The following THSD7B variants were observed in gnomAD, a reference collection of about 807,000 sequenced individuals.
THSD7B encodes the protein thrombospondin type 1 domain containing 7B.
In THSD7B, 138 loss-of-function variants were observed where a neutral mutation model predicts 213.6. That is an observed-to-expected ratio of 0.65 (90% CI 0.56 to 0.74). THSD7B has a LOEUF of 0.74. Ranked by LOEUF, THSD7B falls within the 30% of genes least tolerant of loss-of-function variation. THSD7B has a pLI of 0.00. For synonymous variants in THSD7B, 742 were observed against 687.0 expected (o/e 1.08, Z -1.25); for missense variants, 1,931 against 1,991.5 (o/e 0.97, Z 0.58).
rs1406989509 is a variant in THSD7B at position 137,231,271 on chromosome 2, T to C, written c.1915+36T>C. 1.9e-6 allele frequency: 3 copies of C among 1,544,462 alleles called. No individual in the cohort carries two copies. In the Admixed American group the frequency reaches 5.9e-5, roughly 30 times the overall value. On this transcript the variant is annotated intron_variant, in intron 8 of 27. Coordinates refer to ENST00000409968, the MANE Select transcript of THSD7B (RefSeq NM_001316349.2). ...GAAAAGGTTTTCACTTTGGATTCAT[T>C]AGCCCAATTATTATCATTTTTCCTC...
At chr2:137,402,587 T>C (rs1686394600) in intron 12 of THSD7B, among the ~76,000 whole-genome samples, 1 of 151,710 alleles carries the variant, frequency 6.6e-6, no homozygotes, top group Admixed American at 6.6e-5. Flanking sequence ...GAGGTCGAGG[T>C]GGGCAGATCA....
At chr2:137,340,335 G>C (rs1335003923) in intron 12 of THSD7B, among the ~76,000 whole-genome samples, 1 of 151,838 alleles carries the variant, frequency 6.6e-6, no homozygotes, top group Admixed American at 6.6e-5. Flanking sequence ...ATTATAAATT[G>C]ATAGTTTATA....
intron 2 of THSD7B, among the ~76,000 whole-genome samples, chr2:136,883,913 C>A (rs760108655): frequency 6.6e-6 from 1 of 152,156 alleles, no homozygotes; most frequent in East Asian, 1.9e-4. Context: ...ACAGTGCCAT[C>A]AAAAAGGTAA....
intron 3 of THSD7B, among the ~76,000 whole-genome samples, chr2:137,078,727 T>C (rs1357236396): frequency 3.9e-5 from 6 of 152,180 alleles, no homozygotes; most frequent in East Asian, 1.9e-4. Context: ...GCCTGACATA[T>C]GTGTTTAGGA....
At chr2:137,519,924 A>G (rs943455512) in intron 15 of THSD7B, among the ~76,000 whole-genome samples, 4 of 152,214 alleles carry the variant, frequency 2.6e-5, no homozygotes, top group African/African-American at 9.7e-5. Flanking sequence ...GCAGCAAGAG[A>G]ATATAAAGTT....
At chr2:137,282,062 C>T (rs1243106585) in intron 12 of THSD7B, among the ~76,000 whole-genome samples, 1 of 151,302 alleles carries the variant, frequency 6.6e-6, no homozygotes, top group East Asian at 2.0e-4. Context: ...CTCTCCAGCA[C>T]CTGTTGTTTC....
At chr2:137,451,737 C>A (rs1327864367) in intron 15 of THSD7B, among the ~76,000 whole-genome samples, 1 of 152,032 alleles carries the variant, frequency 6.6e-6, no homozygotes, top group Non-Finnish European at 1.5e-5. Flanking sequence ...CAAATTTCTC[C>A]CATGATTGTG....
In THSD7B at chr2:137,405,758, C is replaced by T. The variant is rs766982902; in HGVS notation, c.2646C>T (p.Pro882=). 2 of 1,613,550 alleles carry T rather than the reference C, an allele frequency of 1.2e-6. No homozygotes were observed. Among genetic ancestry groups the T allele is most frequent in the South Asian group, 1.1e-5 (1 of 91,046 alleles). ...TCACTGCTTGGTCCAAGTTTACGCCCTGCTCCACGAACTGTGAAGCCACAA... is the reference window on the plus strand; with the variant it reads ...TCACTGCTTGGTCCAAGTTTACGCCTTGCTCCACGAACTGTGAAGCCACAA... ...CTFTAWSKFT[P]CSTNCEATKS... is the part of the protein sequence containing the mutation. Residue 882 remains proline (P), a synonymous_variant, in exon 13 of 28, where the codon CCC becomes CCT. Transcript: ENST00000409968.
chr2:137,531,190 C>T (rs1680390661), intron 15 of THSD7B, among the ~76,000 whole-genome samples: 2 of 152,082 alleles, frequency 1.3e-5, no homozygotes, highest in South Asian at 4.1e-4. Context: ...ACACACGCTG[C>T]TTCCTGTGAA....
At position 137,616,245 on chromosome 2, in the gene THSD7B, G is replaced by A; in HGVS notation, c.3494G>A (p.Cys1165Tyr). The change falls in exon 18 of 28, where the codon TGT (cysteine) becomes TAT (tyrosine). Residue 1165 changes from cysteine (C) to tyrosine (Y), a missense_variant. Transcript: ENST00000409968. ...LLRPSLNSRT[C>Y]AEDSQVQPCL... ...AGACCATCACTGAACTCAAGGACTT[G>A]TGCTGAAGACTCACAGGTGCAGCCT... The A allele has an allele frequency of 6.2e-7, 1 of 1,613,818 alleles. No homozygotes were observed. The highest frequency in any genetic ancestry group is 8.5e-7 in the Non-Finnish European group (1 of 1,179,786).
Position 137,298,898 on chromosome 2 carries a change from C to T in THSD7B, c.2500+22872C>T, listed in dbSNP as rs539121462. Among the ~76,000 whole-genome samples the T allele has an allele frequency of 2.0e-5, 3 of 152,326 alleles. No homozygotes were observed. In the South Asian group the frequency reaches 6.3e-4, roughly 32 times the overall value. ...CCCTCATGGAGAACCTCTGCTAGAG[C>T]AGTGCAGAATGGAACTGTGGGGTTG... On this transcript the variant is annotated intron_variant, in intron 12 of 27. Transcript: ENST00000409968.
At chr2:137,319,994 A>G (rs1024371011) in intron 12 of THSD7B, among the ~76,000 whole-genome samples, 1 of 152,194 alleles carries the variant, frequency 6.6e-6, no homozygotes, top group African/African-American at 2.4e-5. Context: ...AGATGGAGAC[A>G]TTCACTGAGG....
At chr2:137,242,661 A>AT in intron 10 of THSD7B, 89 bp downstream of exon 10, 1 of 852,532 alleles carries the variant, frequency 1.2e-6, no homozygotes, top group South Asian at 1.9e-5. Flanking sequence ...GAATGTGAGC[A>AT]CCTTTTTTTT....
chr2:137,580,531 CA>C lies in THSD7B; in HGVS notation c.3423+7976del, dbSNP rs1266684694. On this transcript the variant is annotated intron_variant, in intron 17 of 27. Coordinates refer to ENST00000409968, the MANE Select transcript of THSD7B (RefSeq NM_001316349.2). ...CTTTTACCTATCCTTTCTTGATATT[CA>C]CATTATCTTTCCTAGACATACATAC... 2.0e-5 allele frequency among the ~76,000 whole-genome samples: 3 copies of C among 152,186 alleles called. No individual in the cohort carries two copies. In the East Asian group the frequency reaches 5.8e-4, roughly 29 times the overall value.
chr2:137,032,317 T>C (rs1686691194), intron 2 of THSD7B, among the ~76,000 whole-genome samples: 1 of 152,194 alleles, frequency 6.6e-6, no homozygotes, highest in Non-Finnish European at 1.5e-5. Context: ...GACTTGCCTG[T>C]CTCTGCTTAA....
intron 2 of THSD7B, among the ~76,000 whole-genome samples, chr2:136,920,366 C>T (rs1558852412): frequency 1.3e-5 from 2 of 152,288 alleles, no homozygotes; most frequent in African/African-American, 2.4e-5. Flanking sequence ...ACAGGCAAGT[C>T]GTCCCAGTGA....
intron 3 of THSD7B, among the ~76,000 whole-genome samples, chr2:137,067,308 T>C (rs1286830003): frequency 6.6e-6 from 1 of 152,082 alleles, no homozygotes; most frequent in Non-Finnish European, 1.5e-5. Context: ...ATTAGACCTT[T>C]AGTGTGAGGT....
chr2:137,292,208 A>G (rs889275805), intron 12 of THSD7B, among the ~76,000 whole-genome samples: 2 of 152,192 alleles, frequency 1.3e-5, no homozygotes, highest in Non-Finnish European at 2.9e-5. Flanking sequence ...ACTTGTGCTT[A>G]TTGCTAATAA....
intron 7 of THSD7B, among the ~76,000 whole-genome samples, chr2:137,188,712 T>A (rs1405183407): frequency 6.6e-6 from 1 of 152,192 alleles, no homozygotes; most frequent in Non-Finnish European, 1.5e-5. Context: ...ATGGCTGTCA[T>A]CTAACTTCCA....
Sources: gnomAD v4.1 joint callset for allele counts (sites outside exome capture counted in the v4.1 genomes callset) on GRCh38, gnomAD v4.1.1 for gene constraint, MANE v1.5 for transcripts, NCBI Gene and HGNC (gene_info 2026-07-23, HGNC 2026-07-21) for gene names.